The following GALNTL6 variants were observed in gnomAD, a reference collection of about 807,000 sequenced individuals.
The protein encoded by GALNTL6 is polypeptide N-acetylgalactosaminyltransferase like 6.
In GALNTL6, 46 loss-of-function variants were observed where a neutral mutation model predicts 73.7. That is an observed-to-expected ratio of 0.62 (90% CI 0.49 to 0.80). The LOEUF is 0.80. GALNTL6 is among the 30% of genes least tolerant of loss of function. GALNTL6 has a pLI of 0.00. For synonymous variants in GALNTL6, 259 were observed against 263.7 expected, an observed-to-expected ratio of 0.98 and a Z score of 0.17; for missense variants, 604 against 755.0, an observed-to-expected ratio of 0.80 and a Z score of 2.34.
chr4:172,572,359 A>G (rs897738580), intron 5 of GALNTL6, among the ~76,000 whole-genome samples: 1 of 152,226 alleles, frequency 6.6e-6, no homozygotes, highest in Non-Finnish European at 1.5e-5. Context: ...CTGAAACGTA[A>G]TGAGAAAAGA....
intron 5 of GALNTL6, among the ~76,000 whole-genome samples, chr4:172,577,399 C>T (rs1247197229): frequency 6.6e-6 from 1 of 152,124 alleles, no homozygotes; most frequent in East Asian, 1.9e-4. Context: ...GAGTACCAAC[C>T]TGTTTTATAC....
chr4:172,597,403 T>C (rs1328367581), intron 5 of GALNTL6, among the ~76,000 whole-genome samples: 4 of 152,232 alleles, frequency 2.6e-5, no homozygotes, highest in African/African-American at 9.6e-5. Flanking sequence ...TAGATAGTTA[T>C]TTTTCTTGTT....
At chr4:172,270,808 G>T (rs1459335236) in intron 3 of GALNTL6, among the ~76,000 whole-genome samples, 1 of 150,904 alleles carries the variant, frequency 6.6e-6, no homozygotes, top group Non-Finnish European at 1.5e-5. Context: ...ATATATAAAG[G>T]TATTGTTATT....
At chr4:171,865,975 T>C (rs1383576959) in intron 2 of GALNTL6, among the ~76,000 whole-genome samples, 1 of 152,186 alleles carries the variant, frequency 6.6e-6, no homozygotes, top group Non-Finnish European at 1.5e-5. Context: ...TCCCAAATTA[T>C]TATGAAGAGT....
At chr4:172,912,281 A>C (rs1023417331) in intron 8 of GALNTL6, among the ~76,000 whole-genome samples, 1 of 152,240 alleles carries the variant, frequency 6.6e-6, no homozygotes, top group African/African-American at 2.4e-5. Context: ...GAACAGCTCC[A>C]GTCTACAGCT....
At chr4:172,345,267 A>G (rs1418499520) in intron 4 of GALNTL6, among the ~76,000 whole-genome samples, 1 of 152,186 alleles carries the variant, frequency 6.6e-6, no homozygotes, top group East Asian at 1.9e-4. Flanking sequence ...ATCATCAGGC[A>G]TGAAATAGTA....
chr4:172,680,774 T>A (rs1392058924), intron 5 of GALNTL6, among the ~76,000 whole-genome samples: 2 of 152,184 alleles, frequency 1.3e-5, no homozygotes, highest in African/African-American at 4.8e-5. Flanking sequence ...TTAAGTGAAA[T>A]CAAAGACTGT....
At chr4:172,118,204 C>A (rs1733038985) in intron 2 of GALNTL6, among the ~76,000 whole-genome samples, 1 of 151,934 alleles carries the variant, frequency 6.6e-6, no homozygotes. Flanking sequence ...TTTACTATAG[C>A]TTTATTTTAT....
chr4:172,377,639 G>A (rs1223406170), intron 5 of GALNTL6, among the ~76,000 whole-genome samples: 1 of 152,164 alleles, frequency 6.6e-6, no homozygotes, highest in Non-Finnish European at 1.5e-5. Flanking sequence ...CGGTTGTGGG[G>A]GAGCTCGGTC....
chr4:172,394,634 G>A (rs184048555), intron 5 of GALNTL6, among the ~76,000 whole-genome samples: 16 of 151,998 alleles, frequency 1.1e-4, no homozygotes, highest in African/African-American at 2.9e-4. Context: ...GTTTCACAAC[G>A]TTGGCCAGGC....
At chr4:172,127,635 A>C (rs1733339782) in intron 2 of GALNTL6, among the ~76,000 whole-genome samples, 4 of 152,262 alleles carry the variant, frequency 2.6e-5, no homozygotes, top group African/African-American at 9.6e-5. Context: ...CCTAAGTAAG[A>C]ATCTGAAGTA....
At chr4:172,201,514 TTTTTTGTTTTTTG>T (rs1735954404) in intron 2 of GALNTL6, among the ~76,000 whole-genome samples, 1 of 150,294 alleles carries the variant, frequency 6.7e-6, no homozygotes, top group Non-Finnish European at 1.5e-5. Context: ...CTAGTTTTTT[TTTTTTGTTTTTTG>T]TTTTTGTTTT....
At chr4:171,946,987 C>T (rs10471195) in intron 2 of GALNTL6, among the ~76,000 whole-genome samples, 2,971 of 152,068 alleles carry the variant, frequency 0.02, 101 homozygotes, top group African/African-American at 0.068. Context: ...TGCCCTGGCT[C>T]ATCTTTAGAA....
At chr4:172,946,775 A>G (rs1487326204) in intron 9 of GALNTL6, among the ~76,000 whole-genome samples, 3 of 152,248 alleles carry the variant, frequency 2.0e-5, no homozygotes, top group South Asian at 2.1e-4. Flanking sequence ...GTGACATAAA[A>G]ATAGAGAATA....
chr4:172,958,598 T>C (rs1749875225), intron 10 of GALNTL6, among the ~76,000 whole-genome samples: 1 of 151,982 alleles, frequency 6.6e-6, no homozygotes, highest in Admixed American at 6.6e-5. Context: ...TTGTAGAAGG[T>C]GTTGGGGTTT....
intron 2 of GALNTL6, among the ~76,000 whole-genome samples, chr4:171,960,688 TAAAAAA>T (rs201299722): frequency 0.2 from 26,208 of 129,470 alleles, 2,842 homozygotes; most frequent in Middle Eastern, 0.31. Flanking sequence ...TGTCTTTATT[TAAAAAA>T]AAAAAAAAAA....
intron 5 of GALNTL6, among the ~76,000 whole-genome samples, chr4:172,748,798 T>C (rs1737257461): frequency 6.6e-6 from 1 of 152,250 alleles, no homozygotes; most frequent in East Asian, 1.9e-4. Flanking sequence ...ATATTCGAAG[T>C]GATGGATATG....
intron 2 of GALNTL6, among the ~76,000 whole-genome samples, chr4:171,991,464 GTCAAGAGAAA>G (rs1329385211): frequency 8.6e-5 from 13 of 151,834 alleles, no homozygotes; most frequent in Non-Finnish European, 1.9e-4. Flanking sequence ...TACAAAAATA[GTCAAGAGAAA>G]CCTAAAAAAC....
chr4:172,281,719 A>G (rs916110614), intron 3 of GALNTL6, among the ~76,000 whole-genome samples: 2 of 152,106 alleles, frequency 1.3e-5, no homozygotes, highest in African/African-American at 4.8e-5. Flanking sequence ...AAAACAAACA[A>G]ACAAACAAAC....
Sources: gnomAD v4.1 joint callset for allele counts (sites outside exome capture counted in the v4.1 genomes callset) on GRCh38, gnomAD v4.1.1 for gene constraint, MANE v1.5 for transcripts, NCBI Gene and HGNC (gene_info 2026-07-23, HGNC 2026-07-21) for gene names.